The following CELF2 variants were observed in gnomAD, a reference collection of about 807,000 sequenced individuals.
The protein encoded by CELF2 is CUG triplet repeat RNA-binding protein 2.
In CELF2, 8 loss-of-function variants were observed where a neutral mutation model predicts 62.6. The ratio of observed to expected loss-of-function variants is 0.13; its 90% CI spans 0.07 to 0.23. The LOEUF (loss-of-function observed/expected upper bound fraction) is 0.23. CELF2 is among the 10% of genes least tolerant of loss of function. CELF2 has a pLI of 1.00. For synonymous variants in CELF2, 258 were observed against 250.0 expected (o/e 1.03, Z -0.30); for missense variants, 333 against 671.0 (o/e 0.50, Z 5.56).
In CELF2 at chr10:11,010,087, T is replaced by G. The variant is rs181285616; in HGVS notation, c.53+4647T>G. ...CACCAGGACAGCAGGCCCTGCGATG[T>G]TGCTCATGCTTTGCTTTGTGAACAT... On this transcript the variant is annotated intron_variant, in intron 1 of 12. Coordinates refer to the CELF2 transcript ENST00000416382. This position sits in a 1 kb window ranked among gnomAD's most constrained non-coding sequence, Gnocchi z 4.1. The G allele has an allele frequency of 6.6e-6, 1 of 152,380 alleles. No homozygotes were observed. Among genetic ancestry groups the G allele is most frequent in the East Asian group, 1.9e-4 (1 of 5,190 alleles). 9.4% of individuals were successfully genotyped at this position (152,380 alleles called of 1,614,324 possible). A position where few individuals can be genotyped will look rare whatever the true frequency, so the allele number is the denominator to read the frequency against.
chr10:10,757,292 T>C, the CELF2 span, among the ~76,000 whole-genome samples: 3 of 144,082 alleles, frequency 2.1e-5, no homozygotes, highest in Admixed American at 7.3e-5. Flanking sequence ...AACCCTTCTC[T>C]ACAAAAAAAT....
At chr10:11,072,262 C>T (rs200336462) in intron 1 of CELF2, among the ~76,000 whole-genome samples, 40,657 of 151,842 alleles carry the variant, frequency 0.27, 5,939 homozygotes, top group African/African-American at 0.38. Flanking sequence ...GTACCTTCTC[C>T]TCCTCTCTCT....
At chr10:10,581,919 T>A in the CELF2 span, among the ~76,000 whole-genome samples, 1 of 151,956 alleles carries the variant, frequency 6.6e-6, no homozygotes, top group Non-Finnish European at 1.5e-5. Context: ...TCCCAGCTAC[T>A]CAGGAAGCTG....
intron 1 of CELF2, among the ~76,000 whole-genome samples, chr10:10,876,499 C>A (rs2061101654): frequency 6.6e-6 from 1 of 152,136 alleles, no homozygotes; most frequent in Non-Finnish European, 1.5e-5. Flanking sequence ...TCTCACCTGC[C>A]AGAGACTCTC....
chr10:11,080,417 G>A (rs754836239), intron 1 of CELF2, among the ~76,000 whole-genome samples: 1 of 152,154 alleles, frequency 6.6e-6, no homozygotes, highest in Non-Finnish European at 1.5e-5. Context: ...TATTTAGTGG[G>A]ATGTGGCTAT....
the CELF2 span, among the ~76,000 whole-genome samples, chr10:10,768,695 TC>T: frequency 1.3e-5 from 2 of 151,912 alleles, no homozygotes; most frequent in Non-Finnish European, 2.9e-5. Context: ...TGCCTCAGGT[TC>T]CCAAGTACCG....
chr10:10,670,045 G>C, the CELF2 span, among the ~76,000 whole-genome samples: 2 of 151,954 alleles, frequency 1.3e-5, no homozygotes, highest in African/African-American at 4.8e-5. Flanking sequence ...TGGGATTACA[G>C]GCAAGCGCCA....
chr10:11,175,222 G>C (rs962316997), intron 2 of CELF2, among the ~76,000 whole-genome samples: 6 of 152,128 alleles, frequency 3.9e-5, no homozygotes, highest in Non-Finnish European at 7.4e-5. Context: ...AGGAGATGGA[G>C]GAGTTCCAAG....
At chr10:10,822,600 G>C (rs2057054538) in intron 1 of CELF2, among the ~76,000 whole-genome samples, 1 of 152,176 alleles carries the variant, frequency 6.6e-6, no homozygotes, top group African/African-American at 2.4e-5. Flanking sequence ...AACCTCTGGG[G>C]AAAAGATGTC....
At position 11,217,314 on chromosome 10, in the gene CELF2, A is replaced by G; in HGVS notation, c.272-111A>G. On this transcript the variant is annotated intron_variant, in intron 2 of 12. Transcript: ENST00000633077. This position sits in a 1 kb window ranked among gnomAD's most constrained non-coding sequence, Gnocchi z 5.6. ...TATTGCTGTTCTCATATGCTTTATT[A>G]TTTTTAAATTGTGCGTCCTTTTAAG... 1.5e-6 allele frequency: 1 copy of G among 655,810 alleles called. No individual in the cohort carries two copies. The highest frequency in any genetic ancestry group is 2.6e-6 in the Non-Finnish European group (1 of 377,602). 40.6% of individuals were successfully genotyped at this position (655,810 alleles called of 1,614,324 possible). A position where few individuals can be genotyped will look rare whatever the true frequency, so the allele number is the denominator to read the frequency against.
chr10:10,506,513 C>G, the CELF2 span, among the ~76,000 whole-genome samples: 1 of 152,006 alleles, frequency 6.6e-6, no homozygotes, highest in African/African-American at 2.4e-5. Flanking sequence ...CCCCACTCCA[C>G]CCATTCCCTA....
At chr10:10,944,623 A>G in intron 2 of CELF2, among the ~76,000 whole-genome samples, 1 of 151,354 alleles carries the variant, frequency 6.6e-6, no homozygotes, top group South Asian at 2.1e-4. Context: ...TTTTTTTGTG[A>G]CAGAGTCTCA....
chr10:10,760,685 G>A, the CELF2 span, among the ~76,000 whole-genome samples: 4 of 152,158 alleles, frequency 2.6e-5, no homozygotes, highest in African/African-American at 4.8e-5. Context: ...GAAATGACAT[G>A]TCCGCTGAAG....
At chr10:11,146,724 C>A (rs1300838874) in intron 1 of CELF2, among the ~76,000 whole-genome samples, 1 of 152,166 alleles carries the variant, frequency 6.6e-6, no homozygotes, top group Admixed American at 6.5e-5. Context: ...TTTCAGGATT[C>A]TTTCCATGTG....
rs2096053899 is a variant in CELF2 at position 11,332,795 on chromosome 10, C to CTTACAATGACATGA, written c.*3745_*3758dup. On this transcript the variant is annotated 3_prime_UTR_variant, in exon 13 of 13. Transcript: ENST00000633077. ...TTCCTTCTTATAGCACATGCACTTC[C>CTTACAATGACATGA]TTACAATGACATGATTTGTATTATC... The CTTACAATGACATGA allele has an allele frequency of 1.3e-5, 2 of 152,698 alleles. No homozygotes were observed. 9.5% of individuals were successfully genotyped at this position (152,698 alleles called of 1,614,324 possible).
the CELF2 span, among the ~76,000 whole-genome samples, chr10:10,541,307 T>C: frequency 1.3e-5 from 2 of 151,152 alleles, no homozygotes; most frequent in Non-Finnish European, 1.5e-5. Flanking sequence ...TGATGTCATA[T>C]TGTTACTGGA....
the CELF2 span, among the ~76,000 whole-genome samples, chr10:10,550,784 C>T: frequency 3.3e-5 from 5 of 152,034 alleles, no homozygotes; most frequent in South Asian, 2.1e-4. Context: ...CTGCAACCTC[C>T]GCCTCCCGGG....
chr10:10,741,099 A>C, the CELF2 span, among the ~76,000 whole-genome samples: 1 of 152,220 alleles, frequency 6.6e-6, no homozygotes, highest in African/African-American at 2.4e-5. Context: ...ACTAAAAAAA[A>C]GTTAGCTATA....
At position 11,207,679 on chromosome 10, in the gene CELF2, AC is replaced by A. The variant is rs1363616500; in HGVS notation, c.272-9745del. Among the ~76,000 whole-genome samples the A allele has an allele frequency of 3.3e-5, 5 of 152,178 alleles. No homozygotes were observed. Among genetic ancestry groups the A allele is most frequent in the Admixed American group, 2.6e-4 (4 of 15,286 alleles). ...TAATCCAAACCGTGGAGTCCACATA[AC>A]TCACATACGGAAGGCCCGATGGCAG... On this transcript the variant is annotated intron_variant, in intron 2 of 12. Transcript: ENST00000633077. The surrounding 1 kb of genome is among the most constrained non-coding windows in gnomAD (Gnocchi z 4.1).
Sources: gnomAD v4.1 joint callset for allele counts (sites outside exome capture counted in the v4.1 genomes callset) on GRCh38, gnomAD v4.1.1 for gene constraint, Gnocchi (gnomAD v3.1) non-coding constraint, MANE v1.5 for transcripts, NCBI Gene and HGNC (gene_info 2026-07-23, HGNC 2026-07-21) for gene names.